Variants in ABI3BP observed in about 807,000 individuals in gnomAD.
ABI3BP encodes ABI family member 3 binding protein.
A neutral mutation model predicts 268.6 loss-of-function variants in ABI3BP; 216 were observed. The observed-to-expected ratio is 0.80, with a 90% CI of 0.72 to 0.90. ABI3BP has a LOEUF of 0.90. Among genes scored for constraint, ABI3BP ranks in the 40% least tolerant of loss-of-function variants. The pLI, the probability that ABI3BP is intolerant of heterozygous loss-of-function variation, is 0.00. For synonymous variants in ABI3BP, 730 were observed against 730.0 expected (o/e 1.00, Z 0.00); for missense variants, 2,090 against 2,182.4 (o/e 0.96, Z 0.84).
At chr3:100,839,689 A>C in intron 23 of ABI3BP, 73 bp from the exon 24 acceptor site, 2 of 1,412,700 alleles carry the variant, frequency 1.4e-6, no homozygotes, top group Non-Finnish European at 1.9e-6. Context: ...ATTATGCCTC[A>C]AGCTGGGACA....
intron 14 of ABI3BP, among the ~76,000 whole-genome samples, chr3:100,858,252 A>G (rs868698938): frequency 2.6e-5 from 4 of 152,266 alleles, no homozygotes; most frequent in African/African-American, 9.6e-5. Flanking sequence ...ATCAAAATCA[A>G]TCAATTTCAT....
At chr3:100,829,495 T>G in intron 33 of ABI3BP, 86 bp downstream of exon 33, 1 of 1,267,414 alleles carries the variant, frequency 7.9e-7, no homozygotes, top group Admixed American at 2.0e-5. Context: ...TGGAATCAGC[T>G]GCTGACCATG....
chr3:100,933,239 A>G (rs981885255), intron 1 of ABI3BP, among the ~76,000 whole-genome samples: 1 of 151,998 alleles, frequency 6.6e-6, no homozygotes, highest in Non-Finnish European at 1.5e-5. Flanking sequence ...AATAGCACAT[A>G]TAGACTTAAA....
At chr3:100,959,168 C>T (rs1046923608) in intron 1 of ABI3BP, among the ~76,000 whole-genome samples, 13 of 152,128 alleles carry the variant, frequency 8.5e-5, no homozygotes, top group African/African-American at 1.9e-4. Context: ...AAACCCCACT[C>T]GTAAGACCCA....
chr3:100,962,292 C>T (rs1390857471), intron 1 of ABI3BP, among the ~76,000 whole-genome samples: 1 of 152,166 alleles, frequency 6.6e-6, no homozygotes, highest in African/African-American at 2.4e-5. Flanking sequence ...CTTTCTTGTT[C>T]TGCATAACAG....
Position 100,926,421 on chromosome 3 carries a change from A to G in ABI3BP, c.140T>C (p.Phe47Ser). 6.2e-7 allele frequency: 1 copy of G among 1,613,510 alleles called. No homozygotes were observed. The highest frequency in any genetic ancestry group is 2.2e-5 in the East Asian group (1 of 44,854). The change falls in exon 2 of 68, where the codon TTC becomes TCC. Residue 47 changes from phenylalanine to serine, a missense_variant. Phe to Ser is a radical substitution (Grantham distance 155). Coordinates refer to ENST00000471714, the MANE Select transcript of ABI3BP (RefSeq NM_001375547.2). The part of the protein sequence containing the change: ...NTTSDSILLK[F>S]LRPSPNVKLE... ...CTTTACATTTGGACTTGGACGCAAG[A>G]ACTTCAAGAGGATGGAGTCACTTGT... is the stretch of plus-strand genomic sequence containing the variant.
chr3:100,788,697 A>G (rs925831180), intron 56 of ABI3BP, among the ~76,000 whole-genome samples: 1 of 152,168 alleles, frequency 6.6e-6, no homozygotes, highest in East Asian at 1.9e-4. Context: ...TTGGAAAATT[A>G]TAACAAAATA....
At chr3:100,884,290 A>G (rs1008469841) in intron 6 of ABI3BP, among the ~76,000 whole-genome samples, 10 of 152,126 alleles carry the variant, frequency 6.6e-5, no homozygotes, top group African/African-American at 2.4e-4. Context: ...GAGAGCGAGA[A>G]AAAAAAACAG....
rs1275068949 is a variant in ABI3BP, at chr3:100,875,576, A to T, written c.749T>A (p.Ile250Asn). ...LIPITIIKQV[I>N]QNVTHKDSAK... ...TGAATCCTTGTGAGTAACATTCTGAATCACTGTTGAAATACAAAAAGACAG... is the reference window on the plus strand; with the variant it reads ...TGAATCCTTGTGAGTAACATTCTGATTCACTGTTGAAATACAAAAAGACAG... Residue 250 changes from isoleucine to asparagine, a missense_variant, in exon 8 of 68, where the codon ATT (isoleucine) becomes AAT (asparagine). Coordinates refer to ENST00000471714, the MANE Select transcript of ABI3BP (RefSeq NM_001375547.2). 1 of 1,612,012 alleles carries T rather than the reference A, an allele frequency of 6.2e-7. No individual in the cohort carries two copies. The highest frequency in any genetic ancestry group is 1.7e-5 in the Admixed American group (1 of 60,016).
chr3:100,850,033 G>A lies in ABI3BP; in HGVS notation c.1501+12C>T. On this transcript the variant is annotated intron_variant, in intron 17 of 67. Transcript: ENST00000471714. Reference sequence around the variant, plus strand: ...TCAATGCATACATAACTACATAAATGTCATTAGTTACCAGGTGTCGTAGGC... The same window carrying A: ...TCAATGCATACATAACTACATAAATATCATTAGTTACCAGGTGTCGTAGGC... 2.5e-6 allele frequency: 4 copies of A among 1,606,360 alleles called. No individual in the cohort carries two copies. Among genetic ancestry groups the A allele is most frequent in the Non-Finnish European group, 3.4e-6 (4 of 1,175,186 alleles).
chr3:100,944,630 G>A (rs1384870055), intron 1 of ABI3BP, among the ~76,000 whole-genome samples: 1 of 152,074 alleles, frequency 6.6e-6, no homozygotes, highest in Non-Finnish European at 1.5e-5. Flanking sequence ...TTAAAGTTTT[G>A]CAAATAAAAA....
At chr3:100,990,498 A>G (rs1373657399) in intron 1 of ABI3BP, among the ~76,000 whole-genome samples, 2 of 151,180 alleles carry the variant, frequency 1.3e-5, no homozygotes, top group East Asian at 3.9e-4. Context: ...ATAACAAAGT[A>G]TGTGACTAGG....
chr3:100,785,515 A>G (rs897594383), intron 57 of ABI3BP, among the ~76,000 whole-genome samples: 1 of 152,208 alleles, frequency 6.6e-6, no homozygotes, highest in Non-Finnish European at 1.5e-5. Context: ...CCATAATAAT[A>G]TGCTACATAG....
At chr3:100,757,971 A>G (rs1292787530) in intron 63 of ABI3BP, among the ~76,000 whole-genome samples, 1 of 152,214 alleles carries the variant, frequency 6.6e-6, no homozygotes, top group Non-Finnish European at 1.5e-5. Flanking sequence ...ATGAATATCT[A>G]AATGGAATGC....
chr3:100,853,537 G>A (rs2098892469), intron 14 of ABI3BP, among the ~76,000 whole-genome samples: 1 of 152,052 alleles, frequency 6.6e-6, no homozygotes, highest in Non-Finnish European at 1.5e-5. Flanking sequence ...TTCTATTGTT[G>A]CTTTTGAAAA....
rs549899418 is a variant in ABI3BP, at chr3:100,754,014, G to C, written c.4931-166C>G. On this transcript the variant is annotated intron_variant, in intron 64 of 67. Transcript: ENST00000471714. ...GAAAGTTTGCTTTGTTTTGGAAATT[G>C]TTCTTGATTGAATAATCTCCTGCCT... Among the ~76,000 whole-genome samples, 76 of 152,314 alleles carry C rather than the reference G, an allele frequency of 5.0e-4. 1 individual carries two copies. Among genetic ancestry groups the C allele is most frequent in the African/African-American group, 1.7e-3 (71 of 41,570 alleles).
chr3:100,840,813 C>G lies in ABI3BP; in HGVS notation c.1804+7G>C. 1.3e-6 allele frequency: 2 copies of G among 1,534,272 alleles called. No individual in the cohort carries two copies. ...AAACAAAGGTCACCCACTCAATACTCTATTACCTAATGTTGTTGAAGGTTT... is the reference window on the plus strand; with the variant it reads ...AAACAAAGGTCACCCACTCAATACTGTATTACCTAATGTTGTTGAAGGTTT... On this transcript the variant is annotated splice_region_variant and intron_variant, in intron 22 of 67. Transcript: ENST00000471714.
intron 1 of ABI3BP, among the ~76,000 whole-genome samples, chr3:100,935,559 T>A (rs2065684730): frequency 6.6e-6 from 1 of 152,180 alleles, no homozygotes; most frequent in South Asian, 2.1e-4. Context: ...ATCTATAAAT[T>A]ACTTTGGGCA....
At chr3:100,879,539 T>C (rs990250478) in intron 6 of ABI3BP, among the ~76,000 whole-genome samples, 2 of 152,228 alleles carry the variant, frequency 1.3e-5, no homozygotes, top group Non-Finnish European at 2.9e-5. Context: ...CTTGTTGTAA[T>C]GATTTGTTTC....
Sources: allele counts gnomAD v4.1 joint callset (sites outside exome capture counted in the v4.1 genomes callset), GRCh38; gene constraint gnomAD v4.1.1; transcripts MANE v1.5; gene names NCBI Gene and HGNC (gene_info 2026-07-23, HGNC 2026-07-21).